The following POLA1 variants were observed in gnomAD, a reference collection of about 807,000 sequenced individuals.
POLA1 encodes the protein DNA polymerase alpha catalytic subunit.
POLA1 carries 15 observed loss-of-function variants against 124.0 expected under a neutral mutation model. The observed-to-expected ratio is 0.12, with a 90% CI of 0.08 to 0.19. POLA1 has a LOEUF of 0.19. Among genes scored for constraint, POLA1 ranks in the 10% least tolerant of loss-of-function variants. POLA1 has a pLI of 1.00. For synonymous variants in POLA1, 408 were observed against 389.4 expected (o/e 1.05, Z -0.56); for missense variants, 886 against 1,103.4 (o/e 0.80, Z 2.79).
chrX:24,760,520 T>TA (rs1182863569), intron 26 of POLA1, among the ~76,000 whole-genome samples: 1 of 112,171 alleles, frequency 8.9e-6, no homozygotes, highest in Non-Finnish European at 1.9e-5. Context: ...CTCGGCTGCC[T>TA]GGTGGCTTTA....
chrX:24,850,782 A>C (rs1439584212), intron 34 of POLA1, among the ~76,000 whole-genome samples: 3 of 112,144 alleles, frequency 2.7e-5, no homozygotes, highest in Non-Finnish European at 1.9e-5. Flanking sequence ...ATGGAGAACT[A>C]TATGGGATAA....
At chrX:24,960,704 C>T (rs1449630324) in intron 36 of POLA1, among the ~76,000 whole-genome samples, 1 of 111,321 alleles carries the variant, frequency 9.0e-6, no homozygotes, top group Non-Finnish European at 1.9e-5. Flanking sequence ...ACAGCTGTAT[C>T]GTAACAATAT....
At chrX:24,944,697 A>T (rs182795288) in intron 36 of POLA1, among the ~76,000 whole-genome samples, 1 of 112,066 alleles carries the variant, frequency 8.9e-6, no homozygotes, top group African/African-American at 3.2e-5. Context: ...GCTCTCACGA[A>T]CTAGAGGAAT....
intron 34 of POLA1, among the ~76,000 whole-genome samples, chrX:24,881,964 G>A (rs1325057285): frequency 9.0e-6 from 1 of 111,455 alleles, no homozygotes; most frequent in Admixed American, 9.6e-5. Context: ...TTGAAAGCCA[G>A]GCCAATGAAT....
chrX:24,897,041 C>G (rs959612957), intron 35 of POLA1, among the ~76,000 whole-genome samples: 4 of 111,244 alleles, frequency 3.6e-5, no homozygotes, highest in Admixed American at 9.5e-5. Flanking sequence ...GAATCGAGTA[C>G]AGAAACAGAA....
At chrX:24,799,486 T>G (rs181232592) in intron 26 of POLA1, among the ~76,000 whole-genome samples, 2 of 112,580 alleles carry the variant, frequency 1.8e-5, no homozygotes, top group Admixed American at 1.9e-4. Context: ...CGTATTACAC[T>G]GATTGCAGTG....
At chrX:24,905,559 C>CT (rs2047353278) in intron 35 of POLA1, among the ~76,000 whole-genome samples, 1 of 95,357 alleles carries the variant, frequency 1.0e-5, no homozygotes, top group African/African-American at 3.9e-5. Flanking sequence ...TGAACCCCCC[C>CT]CCCCTTTTTT....
intron 30 of POLA1, 89 bp from the exon 31 acceptor site, chrX:24,821,363 G>A: frequency 1.4e-6 from 1 of 693,143 alleles, no homozygotes; most frequent in Admixed American, 3.7e-5. Context: ...TATGTGGCTA[G>A]TATGATTCTA....
chrX:24,734,470 T>A (rs1245425918), intron 17 of POLA1: 1 of 112,248 alleles, frequency 8.9e-6, no homozygotes, highest in African/African-American at 3.2e-5. Context: ...CTGACAAAAG[T>A]AAGCAACCTT....
At chrX:24,968,057 C>A (rs778314358) in intron 36 of POLA1, among the ~76,000 whole-genome samples, 1 of 112,040 alleles carries the variant, frequency 8.9e-6, no homozygotes, top group Non-Finnish European at 1.9e-5. Flanking sequence ...AGACTTAGCA[C>A]TAGTAATCTC....
chrX:24,770,360 G>A (rs1438170382), intron 26 of POLA1, among the ~76,000 whole-genome samples: 3 of 111,490 alleles, frequency 2.7e-5, no homozygotes, highest in African/African-American at 6.5e-5. Flanking sequence ...AAAAGGAAAG[G>A]TAAACATTGC....
intron 2 of POLA1, among the ~76,000 whole-genome samples, chrX:24,701,715 C>T (rs1189572975): frequency 9.1e-6 from 1 of 109,757 alleles, no homozygotes; most frequent in Non-Finnish European, 1.9e-5. Flanking sequence ...GGATTACAGG[C>T]GTGAGCCACC....
chrX:24,825,462 G>A (rs1028074796), intron 31 of POLA1, among the ~76,000 whole-genome samples: 20 of 112,096 alleles, frequency 1.8e-4, no homozygotes, highest in South Asian at 1.5e-3. Flanking sequence ...TGAAAGAATA[G>A]GATTCACATT....
In POLA1 at chrX:24,947,246, C is replaced by CTTTTTTTTTTTTTTTTTTT. The variant is rs764618354; in HGVS notation, c.4261+16718_4261+16736dup. 9.3e-5 allele frequency among the ~76,000 whole-genome samples: 2 copies of CTTTTTTTTTTTTTTTTTTT among 21,620 alleles called. 1 individual carries two copies. The highest frequency in any genetic ancestry group is 1.8e-3 in the Admixed American group (2 of 1,106). The allele number at this position is 21,620 out of a possible 115,157, so 18.8% of individuals were successfully genotyped here. ...CAGCTGGTTGTTTTCCCTGCAGATT[C>CTTTTTTTTTTTTTTTTTTT]TTTTTTTTTTTTTTTTTTTTTTTTT... On this transcript the variant is annotated intron_variant, in intron 36 of 36. Transcript: ENST00000379068.
At chrX:24,725,848 T>C (rs1602286795) in intron 12 of POLA1, 133 bp from the exon 13 acceptor site, 2 of 435,793 alleles carry the variant, frequency 4.6e-6, no homozygotes, top group African/African-American at 5.1e-5. Flanking sequence ...GAGGAAAGGG[T>C]ACCTTTTTGG....
chrX:24,786,647 T>C (rs773416751), intron 26 of POLA1, among the ~76,000 whole-genome samples: 1 of 105,567 alleles, frequency 9.5e-6, no homozygotes, highest in Non-Finnish European at 1.9e-5. Context: ...TAGCTAGGAC[T>C]GTGGGTGTGC....
intron 26 of POLA1, among the ~76,000 whole-genome samples, chrX:24,795,804 C>T (rs771038443): frequency 9.1e-5 from 10 of 109,614 alleles, no homozygotes; most frequent in Non-Finnish European, 1.7e-4. Context: ...TTTGTCTTTC[C>T]GAAAAGGTTG....
chrX:24,774,692 A>C (rs1181006649), intron 26 of POLA1, among the ~76,000 whole-genome samples: 1 of 112,427 alleles, frequency 8.9e-6, no homozygotes, highest in Admixed American at 9.4e-5. Flanking sequence ...GCCTTATGCT[A>C]TTTAAAGGTA....
intron 36 of POLA1, among the ~76,000 whole-genome samples, chrX:24,937,327 A>G (rs898307276): frequency 8.9e-6 from 1 of 111,908 alleles, no homozygotes; most frequent in Non-Finnish European, 1.9e-5. Context: ...TGTGGTGTAT[A>G]TGCAAGGTAG....
Sources: gnomAD v4.1 joint callset for allele counts (sites outside exome capture counted in the v4.1 genomes callset) on GRCh38, gnomAD v4.1.1 for gene constraint, MANE v1.5 for transcripts, NCBI Gene and HGNC (gene_info 2026-07-23, HGNC 2026-07-21) for gene names.